NRG1: variants seen among roughly 807,000 people sequenced by gnomAD.
NRG1 encodes the protein pro-neuregulin-1, membrane-bound isoform.
A neutral mutation model predicts 63.8 loss-of-function variants in NRG1; 18 were observed. The observed-to-expected ratio is 0.28, with a 90% CI of 0.19 to 0.42. The LOEUF (loss-of-function observed/expected upper bound fraction) is 0.42, where lower values mean the gene tolerates loss of function less well. NRG1 is among the 10% of genes least tolerant of loss of function. The pLI is 1.00. For synonymous variants in NRG1, 302 were observed against 301.3 expected (o/e 1.00, Z -0.02); for missense variants, 762 against 814.7 (o/e 0.94, Z 0.79).
At chr8:32,538,230 C>T (rs572259771) in intron 1 of NRG1, among the ~76,000 whole-genome samples, 6 of 152,236 alleles carry the variant, frequency 3.9e-5, no homozygotes, top group African/African-American at 1.2e-4. Context: ...GAGTGACAGG[C>T]ACCCTCTGAG....
At chr8:32,750,728 A>AG (rs1367986558) in intron 7 of NRG1, among the ~76,000 whole-genome samples, 1 of 151,592 alleles carries the variant, frequency 6.6e-6, no homozygotes, top group African/African-American at 2.4e-5. Context: ...AAAAAAAAAA[A>AG]AATCAGGAGT....
At chr8:32,302,809 A>T (rs528349471) in intron 1 of NRG1, among the ~76,000 whole-genome samples, 101 of 145,362 alleles carry the variant, frequency 6.9e-4, no homozygotes, top group Admixed American at 9.0e-4. Flanking sequence ...TTCTGGCAAT[A>T]ATGAAATAAA....
At chr8:32,745,675 G>GGT (rs139114923) in intron 7 of NRG1, among the ~76,000 whole-genome samples, 3 of 151,182 alleles carry the variant, frequency 2.0e-5, no homozygotes, top group Admixed American at 6.6e-5. Flanking sequence ...GTGTGTGGGG[G>GGT]GTGTGTGTGT....
intron 1 of NRG1, among the ~76,000 whole-genome samples, chr8:32,233,922 A>T (rs1319844111): frequency 6.6e-6 from 1 of 152,094 alleles, no homozygotes; most frequent in Admixed American, 6.6e-5. Flanking sequence ...TATCCCTAAT[A>T]GTTGGATTTT....
chr8:32,395,148 T>C (rs1487149365), intron 1 of NRG1, among the ~76,000 whole-genome samples: 1 of 152,170 alleles, frequency 6.6e-6, no homozygotes, highest in Admixed American at 6.5e-5. Context: ...CAAAGTACTA[T>C]GTGGATAATG....
rs546578186 is a variant in NRG1 at position 31,934,323 on chromosome 8, A to G, written c.37+294892A>G. On this transcript the variant is annotated intron_variant, in intron 1 of 10. Transcript: ENST00000519301. ...TATATGTGTACATGTGTGTATATAT[A>G]TGTGTGTGTATATATACATATATAT... Among the ~76,000 whole-genome samples, 5 of 150,772 alleles carry G rather than the reference A, an allele frequency of 3.3e-5. No individual in the cohort carries two copies. In the South Asian group the frequency reaches 8.4e-4, roughly 25 times the overall value.
chr8:32,318,419 G>A (rs1169260358), intron 1 of NRG1, among the ~76,000 whole-genome samples: 2 of 152,078 alleles, frequency 1.3e-5, no homozygotes, highest in Non-Finnish European at 2.9e-5. Flanking sequence ...GAGCTGTTCA[G>A]CCCCTTGGAG....
intron 1 of NRG1, among the ~76,000 whole-genome samples, chr8:32,087,482 C>CTTTTTTTTTTTTTTTTTTTTTTTTTTT: frequency 1.1e-5 from 1 of 90,278 alleles, no homozygotes; most frequent in Non-Finnish European, 2.1e-5. Flanking sequence ...TCTTTTCTTT[C>CTTTTTTTTTTTTTTTTTTTTTTTTTTT]TTTTTTTTTT....
At chr8:31,877,278 T>A (rs1358297736) in intron 1 of NRG1, among the ~76,000 whole-genome samples, 1 of 152,170 alleles carries the variant, frequency 6.6e-6, no homozygotes, top group Non-Finnish European at 1.5e-5. Context: ...TATTGATTAA[T>A]TCTTTAGTGT....
chr8:32,209,279 AT>A (rs1237219365), intron 1 of NRG1, among the ~76,000 whole-genome samples: 1 of 152,112 alleles, frequency 6.6e-6, no homozygotes, highest in Non-Finnish European at 1.5e-5. Context: ...ATTTAGTATT[AT>A]TTAATACTAA....
At chr8:32,726,036 G>A (rs998898734) in intron 5 of NRG1, among the ~76,000 whole-genome samples, 1 of 151,916 alleles carries the variant, frequency 6.6e-6, no homozygotes, top group African/African-American at 2.4e-5. Context: ...CTTTTGTTTA[G>A]TTTGTTTGCT....
At chr8:31,645,055 A>G (rs1385640752) in intron 1 of NRG1, among the ~76,000 whole-genome samples, 1 of 152,170 alleles carries the variant, frequency 6.6e-6, no homozygotes, top group African/African-American at 2.4e-5. Context: ...CTAATTTACA[A>G]TGTTCTTATT....
At chr8:31,867,282 G>C (rs1447693201) in intron 1 of NRG1, among the ~76,000 whole-genome samples, 1 of 152,184 alleles carries the variant, frequency 6.6e-6, no homozygotes, top group Non-Finnish European at 1.5e-5. Context: ...CTTGGGGAAA[G>C]GTGACAGAAA....
chr8:32,222,657 C>T (rs989160514), intron 1 of NRG1, among the ~76,000 whole-genome samples: 7 of 152,106 alleles, frequency 4.6e-5, no homozygotes, highest in African/African-American at 1.7e-4. Context: ...GCTACGGAAC[C>T]TTGATTTCCT....
At chr8:32,070,631 C>A (rs776363679) in intron 1 of NRG1, among the ~76,000 whole-genome samples, 10 of 152,140 alleles carry the variant, frequency 6.6e-5, no homozygotes, top group Non-Finnish European at 1.3e-4. Context: ...CTTCAAAATG[C>A]ATCTCAAATC....
At chr8:32,658,654 G>T (rs1030318624) in intron 5 of NRG1, among the ~76,000 whole-genome samples, 8 of 152,016 alleles carry the variant, frequency 5.3e-5, no homozygotes, top group African/African-American at 1.9e-4. Flanking sequence ...TAACCTTCTT[G>T]CCAGAGACCA....
At chr8:31,961,636 T>TA (rs1221986820) in intron 1 of NRG1, among the ~76,000 whole-genome samples, 1 of 152,188 alleles carries the variant, frequency 6.6e-6, no homozygotes. Flanking sequence ...CTAGGCTTAA[T>TA]AAAAGGGTCC....
chr8:32,764,394 G>C lies in NRG1; in HGVS notation c.1906G>C (p.Ala636Pro). Reference sequence around the variant, plus strand: ...TGTAATTGCTAACCAAGACCCTATTGCTGTATAAAACCTAAATAAACACAT... The same window carrying C: ...TGTAATTGCTAACCAAGACCCTATTCCTGTATAAAACCTAAATAAACACAT... The change falls in exon 12 of 12, where the codon GCT (alanine) becomes CCT (proline). Residue 636 changes from alanine (A) to proline (P), a missense_variant. By Grantham distance (27) the Ala-to-Pro change is conservative. Coordinates refer to ENST00000356819, the Ensembl canonical transcript of NRG1. 3 of 1,574,416 alleles carry C rather than the reference G, an allele frequency of 1.9e-6. No homozygotes were observed. In the South Asian group the frequency reaches 3.5e-5, roughly 18 times the overall value.
chr8:32,068,948 A>C (rs1825318838), intron 1 of NRG1, among the ~76,000 whole-genome samples: 2 of 152,210 alleles, frequency 1.3e-5, no homozygotes, highest in South Asian at 4.1e-4. Flanking sequence ...TGAAGAAGGC[A>C]TGTGTGGAAT....
Sources: allele counts gnomAD v4.1 joint callset (sites outside exome capture counted in the v4.1 genomes callset), GRCh38; gene constraint gnomAD v4.1.1; transcripts MANE v1.5; gene names NCBI Gene and HGNC (gene_info 2026-07-23, HGNC 2026-07-21).